ZNF114: variants seen among roughly 807,000 people sequenced by gnomAD.
The protein encoded by ZNF114 is zinc finger protein 114.
In ZNF114, 8 loss-of-function variants were observed where a neutral mutation model predicts 6.8. The observed-to-expected ratio is 1.18, with a 90% CI of 0.69 to 2.13. ZNF114 has a LOEUF of 2.13. ZNF114 is among the 30% of genes most tolerant of loss of function. The pLI, the probability that ZNF114 is intolerant of heterozygous loss-of-function variation, is 0.00. For synonymous variants in ZNF114, 169 were observed against 185.5 expected, an observed-to-expected ratio of 0.91 and a Z score of 0.72; for missense variants, 472 against 519.5, an observed-to-expected ratio of 0.91 and a Z score of 0.89.
intron 3 of ZNF114, among the ~76,000 whole-genome samples, chr19:48,273,815 T>A (rs1319801378): frequency 1.3e-5 from 2 of 148,790 alleles, no homozygotes; most frequent in Non-Finnish European, 1.5e-5. Context: ...TGGAGTGCAG[T>A]GGCGTTATCT....
chr19:48,278,960 T>G (rs1967920539), intron 3 of ZNF114, among the ~76,000 whole-genome samples: 1 of 148,180 alleles, frequency 6.7e-6, no homozygotes. Context: ...AAAATTGCAA[T>G]TAGATTAGCG....
Position 48,272,884 on chromosome 19 carries a change from C to A in ZNF114, c.-70+1056C>A, listed in dbSNP as rs565317421. Among the ~76,000 whole-genome samples the A allele has an allele frequency of 1.5e-3, 227 of 150,322 alleles. 1 individual carries two copies. Among genetic ancestry groups the A allele is most frequent in the Non-Finnish European group, 2.7e-3 (181 of 67,654 alleles). On this transcript the variant is annotated intron_variant, in intron 3 of 5. Transcript: ENST00000595607. ...GATCTCTGCTCACTGCAAGCTCCGCCTCCCGGGTTCACGCCATTCTCCTGC... is the reference window on the plus strand; with the variant it reads ...GATCTCTGCTCACTGCAAGCTCCGCATCCCGGGTTCACGCCATTCTCCTGC...
intron 5 of ZNF114, among the ~76,000 whole-genome samples, chr19:48,283,913 T>C (rs1368222670): frequency 6.6e-6 from 1 of 152,148 alleles, no homozygotes; most frequent in Non-Finnish European, 1.5e-5. Context: ...TTTGTATTTT[T>C]AGTAGAGACG....
rs1202807377 is a variant in ZNF114 at position 48,286,440 on chromosome 19, A to C, written c.816A>C (p.Ala272=). The part of the protein sequence containing the change: ...IHAMQMQLYT[A]ETNKKDCQTG... Reference sequence around the variant, plus strand: ...CCATGCAGATGCAGTTGTATACCGCAGAGACAAACAAGAAGGATTGTCAAA... The same window carrying C: ...CCATGCAGATGCAGTTGTATACCGCCGAGACAAACAAGAAGGATTGTCAAA... Residue 272 remains alanine (A), a synonymous_variant, in exon 6 of 6, where the codon GCA becomes GCC. Coordinates refer to ENST00000595607, the MANE Select transcript of ZNF114 (RefSeq NM_153608.4). 2.5e-6 allele frequency: 4 copies of C among 1,614,256 alleles called. No individual in the cohort carries two copies. Among genetic ancestry groups the C allele is most frequent in the Non-Finnish European group, 3.4e-6 (4 of 1,180,044 alleles).
intron 1 of ZNF114, among the ~76,000 whole-genome samples, chr19:48,270,701 GGAAAAGAAAGAAA>G (rs1967633068): frequency 1.5e-5 from 2 of 136,016 alleles, no homozygotes; most frequent in African/African-American, 5.5e-5. Flanking sequence ...GGGAGGGAGA[GGAAAAGAAAGAAA>G]GAGAAGAAAG....
intron 5 of ZNF114, 121 bp from the exon 6 acceptor site, chr19:48,285,640 G>C: frequency 9.1e-7 from 1 of 1,097,170 alleles, no homozygotes; most frequent in Non-Finnish European, 1.3e-6. Context: ...AGGAGCGAGG[G>C]AGGGAGGGAA....
chr19:48,279,275 G>A (rs757575017), intron 3 of ZNF114, among the ~76,000 whole-genome samples: 1 of 150,200 alleles, frequency 6.7e-6, no homozygotes, highest in Non-Finnish European at 1.5e-5. Context: ...GCCCATGCCT[G>A]TACCTTCAGC....
chr19:48,273,443 A>C (rs1186582620), intron 3 of ZNF114, among the ~76,000 whole-genome samples: 1 of 72,620 alleles, frequency 1.4e-5, no homozygotes, highest in Admixed American at 1.2e-4. Context: ...TTTTTTTTTT[A>C]AACTACTGTC....
rs191256118 is a variant in ZNF114 at position 48,285,224 on chromosome 19, G to T, written c.137-537G>T. Among the ~76,000 whole-genome samples, 368 of 152,248 alleles carry T rather than the reference G, an allele frequency of 2.4e-3. 1 individual carries two copies. Among genetic ancestry groups the T allele is most frequent in the Non-Finnish European group, 3.2e-3 (215 of 68,018 alleles). Reference sequence around the variant, plus strand: ...AAAGAAATCCACACAGAGGCCTGGCGCGTTGGCTCATGCCTGTAATCCCAG... The same window carrying T: ...AAAGAAATCCACACAGAGGCCTGGCTCGTTGGCTCATGCCTGTAATCCCAG... On this transcript the variant is annotated intron_variant, in intron 5 of 5. Transcript: ENST00000595607.
Position 48,285,852 on chromosome 19 carries a change from C to A in ZNF114, c.228C>A (p.Leu76=). The change falls in exon 6 of 6, where the codon CTC becomes CTA. Residue 76 remains leucine, a synonymous_variant. Transcript: ENST00000595607. The part of the protein sequence containing the change: ...RTFPEANRVC[L]TSISSQHSTL... ...TTCCTGAAGCCAACAGAGTGTGTCTCACGAGCATCAGTTCCCAGCACTCCA... is the reference window on the plus strand; with the variant it reads ...TTCCTGAAGCCAACAGAGTGTGTCTAACGAGCATCAGTTCCCAGCACTCCA... 6.2e-7 allele frequency: 1 copy of A among 1,614,206 alleles called. No homozygotes were observed. Among genetic ancestry groups the A allele is most frequent in the East Asian group, 2.2e-5 (1 of 44,884 alleles).
chr19:48,286,833 T>TA lies in ZNF114; in HGVS notation c.1215dup (p.His406ThrfsTer3), dbSNP rs1410540886. 5.7e-6 allele frequency: 9 copies of TA among 1,584,536 alleles called. No homozygotes were observed. The highest frequency in any genetic ancestry group is 2.2e-5 in the East Asian group (1 of 44,762). ...AAGACTTTGCAAAGTCGTCAGGACT[T>TA]AAAAAACATCTTAAGACTCACAAAG... On this transcript the variant is annotated frameshift_variant, in exon 6 of 6. Transcript: ENST00000595607. LOFTEE classifies it low-confidence loss of function (END_TRUNC).
At chr19:48,270,707 GAA>G (rs146266145) in intron 1 of ZNF114, among the ~76,000 whole-genome samples, 28,103 of 141,486 alleles carry the variant, frequency 0.2, 2,711 homozygotes, top group South Asian at 0.22. Flanking sequence ...GAGAGGAAAA[GAA>G]AGAAAGAGAA....
intron 3 of ZNF114, among the ~76,000 whole-genome samples, chr19:48,278,897 C>A (rs572839202): frequency 4.7e-4 from 72 of 151,976 alleles, no homozygotes; most frequent in African/African-American, 1.6e-3. Context: ...GAGCTGAGAT[C>A]GTGCTACTGC....
At chr19:48,272,458 G>A (rs116842645) in intron 3 of ZNF114, among the ~76,000 whole-genome samples, 1 of 148,024 alleles carries the variant, frequency 6.8e-6, no homozygotes, top group East Asian at 2.0e-4. Context: ...GCCGGGCATG[G>A]TGGCGGGCGC....
At chr19:48,276,149 G>C (rs1410669625) in intron 3 of ZNF114, among the ~76,000 whole-genome samples, 1 of 137,536 alleles carries the variant, frequency 7.3e-6, no homozygotes, top group Non-Finnish European at 1.5e-5. Flanking sequence ...GTGCAATCTC[G>C]GCTCACCGCA....
intron 3 of ZNF114, among the ~76,000 whole-genome samples, chr19:48,278,285 A>G (rs1224745261): frequency 6.6e-6 from 1 of 152,130 alleles, no homozygotes; most frequent in Non-Finnish European, 1.5e-5. Context: ...GTATATTCAC[A>G]GACGTGTACG....
chr19:48,270,425 G>A (rs1486887928), intron 1 of ZNF114, among the ~76,000 whole-genome samples: 37 of 89,512 alleles, frequency 4.1e-4, no homozygotes, highest in African/African-American at 1.5e-3. Context: ...ATAAGAAAAG[G>A]AAAAAAATAA....
At chr19:48,275,851 G>A (rs1293575619) in intron 3 of ZNF114, among the ~76,000 whole-genome samples, 5 of 151,148 alleles carry the variant, frequency 3.3e-5, no homozygotes, top group Admixed American at 6.6e-5. Flanking sequence ...GCGCAGTGGC[G>A]GGCGCCTGTA....
intron 5 of ZNF114, among the ~76,000 whole-genome samples, chr19:48,284,914 GC>G (rs1161996878): frequency 1.3e-5 from 2 of 152,126 alleles, no homozygotes; most frequent in Non-Finnish European, 2.9e-5. Context: ...TGAATAGCCA[GC>G]CACTGCACTC....
Sources: allele counts gnomAD v4.1 joint callset (sites outside exome capture counted in the v4.1 genomes callset), GRCh38; gene constraint gnomAD v4.1.1; transcripts MANE v1.5; gene names NCBI Gene and HGNC (gene_info 2026-07-23, HGNC 2026-07-21).